Variants in RARB observed in about 807,000 individuals in gnomAD.
RARB encodes the protein retinoic acid receptor beta, also known as HBV-activated protein.
In RARB, 17 loss-of-function variants were observed where a neutral mutation model predicts 51.9. The ratio of observed to expected loss-of-function variants is 0.33; its 90% CI spans 0.22 to 0.49. The LOEUF is 0.49. RARB is among the 20% of genes least tolerant of loss of function. The pLI, the probability that RARB is intolerant of heterozygous loss-of-function variation, is 0.99. For synonymous variants in RARB, 215 were observed against 195.4 expected, an observed-to-expected ratio of 1.10 and a Z score of -0.84; for missense variants, 369 against 550.8, an observed-to-expected ratio of 0.67 and a Z score of 3.30.
intron 5 of RARB, among the ~76,000 whole-genome samples, chr3:25,279,889 G>A (rs1461656057): frequency 1.3e-5 from 2 of 152,132 alleles, no homozygotes; most frequent in Admixed American, 6.5e-5. Context: ...TCAGTCTTTG[G>A]TCTAAAGGGA....
At chr3:25,409,745 A>C (rs1187418984) in intron 5 of RARB, among the ~76,000 whole-genome samples, 1 of 152,196 alleles carries the variant, frequency 6.6e-6, no homozygotes, top group Non-Finnish European at 1.5e-5. Context: ...GTCCATGTGC[A>C]AGCCAACTGA....
chr3:24,976,596 T>A (rs901498889), intron 2 of RARB, among the ~76,000 whole-genome samples: 1 of 152,244 alleles, frequency 6.6e-6, no homozygotes, highest in African/African-American at 2.4e-5. Context: ...TCATATCCTT[T>A]GTCCACTTTT....
intron 3 of RARB, among the ~76,000 whole-genome samples, chr3:25,070,667 T>C (rs548622237): frequency 6.6e-6 from 1 of 152,348 alleles, no homozygotes; most frequent in Non-Finnish European, 1.5e-5. Context: ...ACACAATCCC[T>C]GAGTGCTTTA....
At chr3:25,263,835 G>A (rs994066230) in intron 5 of RARB, among the ~76,000 whole-genome samples, 1 of 152,146 alleles carries the variant, frequency 6.6e-6, no homozygotes, top group East Asian at 1.9e-4. Flanking sequence ...GTCTCTGGGG[G>A]ACACACTGAT....
At chr3:24,883,987 C>T (rs1238912195) in intron 2 of RARB, among the ~76,000 whole-genome samples, 3 of 152,078 alleles carry the variant, frequency 2.0e-5, no homozygotes, top group Non-Finnish European at 4.4e-5. Flanking sequence ...ATTTGTTTCT[C>T]CCATCTAAAT....
At chr3:24,936,366 A>G (rs1294783683) in intron 2 of RARB, among the ~76,000 whole-genome samples, 3 of 152,168 alleles carry the variant, frequency 2.0e-5, no homozygotes, top group Non-Finnish European at 4.4e-5. Flanking sequence ...TATAATCTGT[A>G]TACCTTCCCA....
chr3:25,232,973 C>CTTTTT (rs71061205), intron 5 of RARB, among the ~76,000 whole-genome samples: 61 of 118,754 alleles, frequency 5.1e-4, no homozygotes, highest in East Asian at 7.1e-4. Context: ...TTTTCTTTTT[C>CTTTTT]TTTTTTTTTT....
At chr3:24,896,591 C>T (rs1703484125) in intron 2 of RARB, among the ~76,000 whole-genome samples, 1 of 152,090 alleles carries the variant, frequency 6.6e-6, no homozygotes, top group South Asian at 2.1e-4. Flanking sequence ...ATGATAAGTT[C>T]AGGACATGGA....
At chr3:24,942,271 T>C (rs1695682977) in intron 2 of RARB, among the ~76,000 whole-genome samples, 1 of 152,224 alleles carries the variant, frequency 6.6e-6, no homozygotes. Context: ...AAAATAGCTC[T>C]GTAGCTGTGC....
intron 2 of RARB, among the ~76,000 whole-genome samples, chr3:24,979,058 G>T (rs1056403329): frequency 2.6e-5 from 4 of 152,120 alleles, no homozygotes; most frequent in Non-Finnish European, 5.9e-5. Context: ...GTAGTTGTGT[G>T]GTTTTGAGTG....
intron 5 of RARB, chr3:25,352,508 C>G (rs1456554806): frequency 6.6e-6 from 1 of 152,198 alleles, no homozygotes; most frequent in African/African-American, 2.4e-5. Context: ...CTTTGTCAAG[C>G]AAGTCTGTTT....
At chr3:25,260,290 A>C (rs1702966715) in intron 5 of RARB, among the ~76,000 whole-genome samples, 1 of 152,172 alleles carries the variant, frequency 6.6e-6, no homozygotes, top group South Asian at 2.1e-4. Context: ...AGAATAAGAA[A>C]TACATATATA....
At chr3:25,218,576 C>G (rs1701883060) in intron 5 of RARB, among the ~76,000 whole-genome samples, 1 of 152,090 alleles carries the variant, frequency 6.6e-6, no homozygotes. Context: ...ACTGGATGAC[C>G]TCTATTTACC....
chr3:25,552,342 C>T (rs1486987135), intron 3 of RARB, among the ~76,000 whole-genome samples: 1 of 152,064 alleles, frequency 6.6e-6, no homozygotes, highest in Admixed American at 6.6e-5. Context: ...AAGATCTAGA[C>T]AACCTTAAAT....
intron 1 of RARB, among the ~76,000 whole-genome samples, chr3:25,439,698 C>G (rs1575404471): frequency 6.6e-6 from 1 of 152,100 alleles, no homozygotes; most frequent in South Asian, 2.1e-4. Flanking sequence ...GTGTCCCGCT[C>G]AAATATGTCT....
At chr3:25,001,809 A>G (rs182299589) in intron 2 of RARB, among the ~76,000 whole-genome samples, 130 of 152,262 alleles carry the variant, frequency 8.5e-4, no homozygotes, top group Non-Finnish European at 9.6e-4. Context: ...AAATGTGTTC[A>G]CTGAATCTTA....
chr3:24,875,136 T>A (rs1703016374), intron 2 of RARB, among the ~76,000 whole-genome samples: 1 of 152,184 alleles, frequency 6.6e-6, no homozygotes, highest in African/African-American at 2.4e-5. Flanking sequence ...TAAAAAAAGA[T>A]TTACATACAA....
At chr3:25,277,284 C>A (rs1703419130) in intron 5 of RARB, among the ~76,000 whole-genome samples, 1 of 152,170 alleles carries the variant, frequency 6.6e-6, no homozygotes, top group Admixed American at 6.5e-5. Context: ...AGCCACCTAG[C>A]AGCGTAGCCT....
intron 2 of RARB, among the ~76,000 whole-genome samples, chr3:24,931,003 ACT>A (rs1390507192): frequency 1.3e-5 from 2 of 152,010 alleles, no homozygotes; most frequent in Admixed American, 6.6e-5. Context: ...ACAGAGTGAG[ACT>A]CTGTCTCTGA....
Sources: allele counts gnomAD v4.1 joint callset (sites outside exome capture counted in the v4.1 genomes callset), GRCh38; gene constraint gnomAD v4.1.1; transcripts MANE v1.5; gene names NCBI Gene and HGNC (gene_info 2026-07-23, HGNC 2026-07-21).